The following RGS6 variants were observed in gnomAD, a reference collection of about 807,000 sequenced individuals.
RGS6 encodes the protein regulator of G-protein signaling 6.
A neutral mutation model predicts 78.5 loss-of-function variants in RGS6; 30 were observed. The observed-to-expected ratio is 0.38, with a 90% CI of 0.29 to 0.52. The LOEUF (loss-of-function observed/expected upper bound fraction) is 0.52. Among genes scored for constraint, RGS6 ranks in the 20% least tolerant of loss-of-function variants. The pLI is 0.85. For synonymous variants in RGS6, 206 were observed against 206.0 expected (o/e 1.00, Z 0.00); for missense variants, 495 against 609.7 (o/e 0.81, Z 1.98).
chr14:72,276,522 C>A (rs1378716039), intron 2 of RGS6, among the ~76,000 whole-genome samples: 1 of 151,938 alleles, frequency 6.6e-6, no homozygotes, highest in Non-Finnish European at 1.5e-5. Context: ...TTGCTGTGTC[C>A]CCACCCAACT....
intron 4 of RGS6, among the ~76,000 whole-genome samples, chr14:72,454,967 CCT>C (rs2095592672): frequency 6.6e-6 from 1 of 152,110 alleles, no homozygotes; most frequent in South Asian, 2.1e-4. Context: ...GCTAAGACTC[CCT>C]CTGTTTTCTG....
At chr14:72,291,199 G>T (rs529999390) in intron 2 of RGS6, among the ~76,000 whole-genome samples, 15 of 151,966 alleles carry the variant, frequency 9.9e-5, no homozygotes, top group Non-Finnish European at 7.4e-5. Flanking sequence ...ACCTCTCTGC[G>T]TCCGTCTCCA....
chr14:72,609,614 G>A, the RGS6 span, among the ~76,000 whole-genome samples: 2 of 152,190 alleles, frequency 1.3e-5, no homozygotes, highest in Admixed American at 6.5e-5. Flanking sequence ...CCTGACACAC[G>A]TGGGAAGGGC....
rs575796237 is a variant in RGS6, at chr14:72,327,727, C to T, written c.85-24368C>T. ...GCTGTGGACTTGAGATGCCTGGGTT[C>T]TGTCCCTCCTGACTGTGACTTAGCA... is the stretch of plus-strand genomic sequence containing the variant. On this transcript the variant is annotated intron_variant, in intron 2 of 17. Transcript: ENST00000553525. Among the ~76,000 whole-genome samples, 8 of 152,318 alleles carry T rather than the reference C, an allele frequency of 5.3e-5. No homozygotes were observed. The South Asian group carries it at 1.7e-3, about 32-fold the overall frequency.
At chr14:72,060,712 G>T (rs1309428346) in intron 2 of RGS6, among the ~76,000 whole-genome samples, 2 of 152,214 alleles carry the variant, frequency 1.3e-5, no homozygotes, top group Non-Finnish European at 2.9e-5. Flanking sequence ...GGACGCATCA[G>T]CAGAGTGTTT....
At chr14:72,473,956 C>G (rs1447738890) in intron 9 of RGS6, 2 of 152,178 alleles carry the variant, frequency 1.3e-5, no homozygotes, top group Non-Finnish European at 2.9e-5. Context: ...AAATCACCAA[C>G]AAAAAGTACA....
intron 13 of RGS6, among the ~76,000 whole-genome samples, chr14:72,504,216 C>T (rs1186277987): frequency 2.0e-5 from 3 of 152,166 alleles, no homozygotes; most frequent in Admixed American, 6.5e-5. Context: ...ATCAAACAGT[C>T]ACTTGGCCAC....
At chr14:72,336,240 A>C (rs2076003779) in intron 2 of RGS6, among the ~76,000 whole-genome samples, 1 of 152,228 alleles carries the variant, frequency 6.6e-6, no homozygotes, top group African/African-American at 2.4e-5. Flanking sequence ...ATCTTAAAAC[A>C]AATGAAAGAC....
At chr14:72,123,770 C>CT in intron 2 of RGS6, among the ~76,000 whole-genome samples, 1 of 152,290 alleles carries the variant, frequency 6.6e-6, no homozygotes, top group East Asian at 1.9e-4. Flanking sequence ...TTATGGAAAG[C>CT]AAGAGTGGTA....
chr14:72,362,568 C>G (rs1053234522), intron 3 of RGS6, among the ~76,000 whole-genome samples: 2 of 152,156 alleles, frequency 1.3e-5, no homozygotes, highest in African/African-American at 2.4e-5. Context: ...TAACTGGGGT[C>G]TCAGTTCTTC....
chr14:72,072,211 T>G (rs570672697), intron 2 of RGS6, among the ~76,000 whole-genome samples: 5 of 152,312 alleles, frequency 3.3e-5, no homozygotes, highest in Admixed American at 2.6e-4. Context: ...CCCACAATCT[T>G]ATTCTCAATG....
chr14:72,043,654 C>T (rs894639408), intron 2 of RGS6, among the ~76,000 whole-genome samples: 8 of 152,212 alleles, frequency 5.3e-5, no homozygotes, highest in Admixed American at 1.3e-4. Flanking sequence ...TTCAAAATTT[C>T]TTATTTGACT....
intron 7 of RGS6, among the ~76,000 whole-genome samples, chr14:72,468,016 G>A (rs77925553): frequency 1.2e-4 from 18 of 152,278 alleles, no homozygotes; most frequent in Non-Finnish European, 2.2e-4. Context: ...GTCCCATACA[G>A]AAATCAGACA....
rs147818713 is a variant in RGS6 at position 72,208,644 on chromosome 14, G to A, written c.85-143451G>A. Among the ~76,000 whole-genome samples the A allele has an allele frequency of 4.3e-4, 65 of 152,222 alleles. No homozygotes were observed. In the East Asian group the frequency reaches 9.7e-3, roughly 23 times the overall value. On this transcript the variant is annotated intron_variant, in intron 2 of 17. Coordinates refer to ENST00000553525, the MANE Select transcript of RGS6 (RefSeq NM_001204424.2). ...TTGACTATATTAGATGCAAGTATTT[G>A]TTGAATGAAAAAATGTCTCAGAGGC...
chr14:72,480,585 A>G (rs1030494311), intron 12 of RGS6, among the ~76,000 whole-genome samples: 3 of 152,220 alleles, frequency 2.0e-5, no homozygotes, highest in African/African-American at 7.2e-5. Flanking sequence ...CATTAGAGCC[A>G]CAAGGAAACC....
At chr14:72,469,404 A>T (rs2153297035) in intron 7 of RGS6, among the ~76,000 whole-genome samples, 1 of 151,980 alleles carries the variant, frequency 6.6e-6, no homozygotes, top group East Asian at 1.9e-4. Context: ...ATGGGGTTTC[A>T]CCCTGTTGAC....
chr14:72,497,001 G>A (rs2153418625), intron 13 of RGS6, among the ~76,000 whole-genome samples: 1 of 152,190 alleles, frequency 6.6e-6, no homozygotes, highest in Non-Finnish European at 1.5e-5. Context: ...CCAGTACCTG[G>A]ATCATAAATA....
intron 15 of RGS6, among the ~76,000 whole-genome samples, chr14:72,534,861 C>G (rs1392808204): frequency 1.3e-5 from 2 of 152,190 alleles, no homozygotes; most frequent in African/African-American, 4.8e-5. Context: ...CTGACCAGCT[C>G]TCCATCCCCC....
chr14:72,353,777 G>A (rs1158713796), intron 3 of RGS6, among the ~76,000 whole-genome samples: 1 of 152,080 alleles, frequency 6.6e-6, no homozygotes, highest in Non-Finnish European at 1.5e-5. Flanking sequence ...GAGGTCAGGG[G>A]GTTGAGACCA....
Sources: allele counts gnomAD v4.1 joint callset (sites outside exome capture counted in the v4.1 genomes callset), GRCh38; gene constraint gnomAD v4.1.1; transcripts MANE v1.5; gene names NCBI Gene and HGNC (gene_info 2026-07-23, HGNC 2026-07-21).